Variants in ZNF69 observed in about 807,000 individuals in gnomAD.
The protein encoded by ZNF69 is ZNF3.
Under a neutral mutation model 50.9 loss-of-function variants are expected in ZNF69, and 47 were observed. The observed-to-expected ratio is 0.92, with a 90% CI of 0.73 to 1.18. ZNF69 has a LOEUF of 1.18. Among genes scored for constraint, ZNF69 ranks in the 50% most tolerant of loss-of-function variants. The pLI, the probability that ZNF69 is intolerant of heterozygous loss-of-function variation, is 0.00. For synonymous variants in ZNF69, 216 were observed against 223.1 expected (o/e 0.97, Z 0.29); for missense variants, 717 against 675.1 (o/e 1.06, Z -0.69).
chr19:11,942,948 A>G, the ZNF69 span, among the ~76,000 whole-genome samples: 2 of 152,104 alleles, frequency 1.3e-5, no homozygotes, highest in South Asian at 4.1e-4. Flanking sequence ...GGGAGTTCTC[A>G]CTTTCATCCT....
the ZNF69 span, among the ~76,000 whole-genome samples, chr19:11,924,833 G>C: frequency 3.3e-4 from 50 of 152,190 alleles, no homozygotes; most frequent in Non-Finnish European, 6.3e-4. Context: ...ACGAAGGAGC[G>C]GGGACTGTCC....
At chr19:11,915,117 T>C (rs926687606), downstream of ZNF69, among the ~76,000 whole-genome samples, 26 of 152,120 alleles carry the variant, frequency 1.7e-4, no homozygotes, top group Non-Finnish European at 2.9e-4. Context: ...GGCAGGAGAA[T>C]GGCTTGAGCC....
Position 11,904,841 on chromosome 19 carries a change from C to T in ZNF69, c.444C>T (p.Asp148=). 6.2e-7 allele frequency: 1 copy of T among 1,614,074 alleles called. No individual in the cohort carries two copies. Among genetic ancestry groups the T allele is most frequent in the Non-Finnish European group, 8.5e-7 (1 of 1,180,000 alleles). ...NSSFNMNIRG[D]IGHKAYEYQE... ...CTTTTAATATGAACATCAGAGGTGA[C>T]ATTGGACACAAGGCCTATGAGTATC... Residue 148 remains aspartate (D), a synonymous_variant, in exon 4 of 4, where the codon GAC becomes GAT. Coordinates refer to ENST00000429654, the MANE Select transcript of ZNF69 (RefSeq NM_001364730.1).
At chr19:11,949,935 G>T in the ZNF69 span, 6 of 1,612,898 alleles carry the variant, frequency 3.7e-6, no homozygotes, top group Non-Finnish European at 4.2e-6. Context: ...ACCTTCAGAT[G>T]CATGAAAGGA....
At chr19:11,950,475 G>GT in the ZNF69 span, 2 of 670,002 alleles carry the variant, frequency 3.0e-6, no homozygotes, top group East Asian at 5.4e-5. Flanking sequence ...AACCCTATGA[G>GT]TGTATTCTAG....
chr19:11,888,046 C>T, intron 1 of ZNF69, 60 bp downstream of exon 1: 2 of 1,545,676 alleles, frequency 1.3e-6, no homozygotes, highest in African/African-American at 1.4e-5. Context: ...CCGACCGGAA[C>T]CGACTGTGGC....
At chr19:11,894,961 C>T (rs1194487075) in intron 1 of ZNF69, among the ~76,000 whole-genome samples, 6 of 152,164 alleles carry the variant, frequency 3.9e-5, no homozygotes, top group Admixed American at 6.5e-5. Context: ...AGGTTCACAG[C>T]GGGGCATAGT....
chr19:11,936,449 C>A, the ZNF69 span, among the ~76,000 whole-genome samples: 1 of 152,210 alleles, frequency 6.6e-6, no homozygotes, highest in Non-Finnish European at 1.5e-5. Context: ...TGTTGATGAG[C>A]ATTTTTTCAT....
In ZNF69 at chr19:11,903,692, C is replaced by T. The variant is rs766947190; in HGVS notation, c.183C>T (p.Thr61=). ...TGCTGGAAACTTTCAGGAACCTGAC[C>T]TCTGTAGGTAAGGATGACATATTCC... ...EVMLETFRNL[T]SVGKSWKDQN... is the part of the protein sequence containing the mutation. Residue 61 remains threonine, a synonymous_variant, in exon 2 of 4, where the codon ACC becomes ACT. Transcript: ENST00000429654. The T allele has an allele frequency of 6.2e-7, 1 of 1,614,034 alleles. No individual in the cohort carries two copies. Among genetic ancestry groups the T allele is most frequent in the Non-Finnish European group, 8.5e-7 (1 of 1,179,952 alleles).
the ZNF69 span, among the ~76,000 whole-genome samples, chr19:11,953,663 G>T: frequency 6.6e-6 from 1 of 152,176 alleles, no homozygotes; most frequent in East Asian, 1.9e-4. Context: ...AAAGTCAGTG[G>T]GACCCTCTCA....
At chr19:11,936,472 T>C in the ZNF69 span, among the ~76,000 whole-genome samples, 2 of 152,256 alleles carry the variant, frequency 1.3e-5, no homozygotes, top group East Asian at 1.9e-4. Flanking sequence ...GTCTGTTGGC[T>C]GCATAAATGT....
rs542129123 is a variant in ZNF69, at chr19:11,892,383, A to G, written c.63+4397A>G. Among the ~76,000 whole-genome samples the G allele has an allele frequency of 1.8e-3, 269 of 152,170 alleles. 2 individuals carry two copies. Among genetic ancestry groups the G allele is most frequent in the Admixed American group, 3.6e-3 (55 of 15,270 alleles). ...TTCAATTTAAAAGAGTGAATTCAAC[A>G]TTCCAGCTGAAGACAATGTGATAGC... On this transcript the variant is annotated intron_variant, in intron 1 of 3. Transcript: ENST00000429654.
chr19:11,927,542 CTT>C, the ZNF69 span, among the ~76,000 whole-genome samples: 1 of 152,092 alleles, frequency 6.6e-6, no homozygotes, highest in Non-Finnish European at 1.5e-5. Flanking sequence ...AACGTACTGT[CTT>C]TAAGTTTTTC....
At position 11,894,586 on chromosome 19, in the gene ZNF69, G is replaced by A. The variant is rs1015175440; in HGVS notation, c.63+6600G>A. ...GACCTAATATTCCCACAGCTGCCATGTCTCTTGGAGGGTCTAGTGAGTATC... is the reference window on the plus strand; with the variant it reads ...GACCTAATATTCCCACAGCTGCCATATCTCTTGGAGGGTCTAGTGAGTATC... On this transcript the variant is annotated intron_variant, in intron 1 of 3. Coordinates refer to ENST00000429654, the MANE Select transcript of ZNF69 (RefSeq NM_001364730.1). Among the ~76,000 whole-genome samples, 3 of 152,148 alleles carry A rather than the reference G, an allele frequency of 2.0e-5. No individual in the cohort carries two copies. In the South Asian group the frequency reaches 6.2e-4, roughly 32 times the overall value.
At chr19:11,935,453 G>A in the ZNF69 span, among the ~76,000 whole-genome samples, 8 of 151,830 alleles carry the variant, frequency 5.3e-5, no homozygotes, top group Admixed American at 1.3e-4. Context: ...GGCTGATCTC[G>A]AACTCCTGAC....
the ZNF69 span, among the ~76,000 whole-genome samples, chr19:11,948,080 T>C: frequency 2.0e-5 from 3 of 152,178 alleles, no homozygotes; most frequent in Non-Finnish European, 4.4e-5. Flanking sequence ...AAGAAGCCCC[T>C]TATGAATATT....
the ZNF69 span, among the ~76,000 whole-genome samples, chr19:11,920,122 T>TC: frequency 6.6e-6 from 1 of 151,334 alleles, no homozygotes; most frequent in Non-Finnish European, 1.5e-5. Flanking sequence ...TTTTTTTTTT[T>TC]CTTCCTGAGA....
At chr19:11,900,014 G>A (rs765311976) in intron 1 of ZNF69, among the ~76,000 whole-genome samples, 1 of 152,078 alleles carries the variant, frequency 6.6e-6, no homozygotes, top group Non-Finnish European at 1.5e-5. Flanking sequence ...GAGTACCATG[G>A]TGTGATTGAG....
the ZNF69 span, among the ~76,000 whole-genome samples, chr19:11,965,961 T>G: frequency 6.6e-6 from 1 of 152,016 alleles, no homozygotes; most frequent in Admixed American, 6.6e-5. Flanking sequence ...ATTCTGTAGG[T>G]GGCAGTTGAT....
Sources: gnomAD v4.1 joint callset for allele counts (sites outside exome capture counted in the v4.1 genomes callset) on GRCh38, gnomAD v4.1.1 for gene constraint, MANE v1.5 for transcripts, NCBI Gene and HGNC (gene_info 2026-07-23, HGNC 2026-07-21) for gene names.